PRDM5: variants seen among roughly 807,000 people sequenced by gnomAD.
PRDM5 encodes the protein PR domain zinc finger protein 5.
Under a neutral mutation model 81.2 loss-of-function variants are expected in PRDM5, and 56 were observed. The observed-to-expected ratio is 0.69, with a 90% CI of 0.56 to 0.86. PRDM5 has a LOEUF of 0.86. Among genes scored for constraint, PRDM5 ranks in the 40% least tolerant of loss-of-function variants. PRDM5 has a pLI of 0.00. For missense variants in PRDM5, 697 were observed against 770.1 expected (o/e 0.91, Z 1.12); for synonymous variants, 267 against 256.4 (o/e 1.04, Z -0.39).
At chr4:120,792,912 G>A (rs1017003979) in intron 10 of PRDM5, among the ~76,000 whole-genome samples, 2 of 152,094 alleles carry the variant, frequency 1.3e-5, no homozygotes, top group Non-Finnish European at 2.9e-5. Context: ...AGGGGTAGAG[G>A]TAAAGGGGCA....
chr4:120,788,745 A>T (rs1185515635), intron 10 of PRDM5, among the ~76,000 whole-genome samples: 1 of 152,226 alleles, frequency 6.6e-6, no homozygotes, highest in Non-Finnish European at 1.5e-5. Flanking sequence ...ATATTGGCCT[A>T]AAGCCAATGA....
chr4:120,906,359 T>G (rs904166893), intron 2 of PRDM5, among the ~76,000 whole-genome samples: 2 of 152,196 alleles, frequency 1.3e-5, no homozygotes, highest in Non-Finnish European at 1.5e-5. Flanking sequence ...AGGTTTACCG[T>G]CCAGGAGCAA....
chr4:120,753,130 C>T (rs1561094067), intron 14 of PRDM5, among the ~76,000 whole-genome samples: 1 of 152,114 alleles, frequency 6.6e-6, no homozygotes, highest in African/African-American at 2.4e-5. Flanking sequence ...TCACTAGTTT[C>T]TATTAAGAGG....
In PRDM5 at chr4:120,903,713, A is replaced by T. The variant is rs11098590; in HGVS notation, c.177+3761T>A. Reference sequence around the variant, plus strand: ...CTGGAGATAATTAAATCATTGGGGCAGTTTACCCAATACTGTTCTCGTGGT... The same window carrying T: ...CTGGAGATAATTAAATCATTGGGGCTGTTTACCCAATACTGTTCTCGTGGT... On this transcript the variant is annotated intron_variant, in intron 2 of 15. Transcript: ENST00000264808. 5.2e-3 allele frequency among the ~76,000 whole-genome samples: 789 copies of T among 152,242 alleles called. 5 individuals are homozygous for T. Among genetic ancestry groups the T allele is most frequent in the Middle Eastern group, 0.017 (5 of 294 alleles).
intron 13 of PRDM5, among the ~76,000 whole-genome samples, chr4:120,769,696 A>C (rs1322197392): frequency 2.6e-5 from 4 of 152,168 alleles, no homozygotes; most frequent in Admixed American, 2.6e-4. Context: ...GAGAACAGCA[A>C]ATTTTGTGGG....
intron 2 of PRDM5, among the ~76,000 whole-genome samples, chr4:120,901,377 T>G (rs1410638996): frequency 6.6e-6 from 1 of 152,242 alleles, no homozygotes; most frequent in Non-Finnish European, 1.5e-5. Flanking sequence ...TTGTAATGAC[T>G]AATTACCCTG....
chr4:120,857,031 T>C (rs538042242), intron 2 of PRDM5, among the ~76,000 whole-genome samples: 6 of 152,290 alleles, frequency 3.9e-5, no homozygotes, highest in African/African-American at 1.4e-4. Context: ...TTGCACAGGC[T>C]TCCTACAGTA....
At chr4:120,889,344 A>G (rs1195535356) in intron 2 of PRDM5, among the ~76,000 whole-genome samples, 1 of 152,140 alleles carries the variant, frequency 6.6e-6, no homozygotes, top group East Asian at 1.9e-4. Context: ...CTATATCATT[A>G]ATGTTATTTT....
intron 7 of PRDM5, 21 bp downstream of exon 7, chr4:120,816,432 G>A (rs571459776): frequency 5.6e-6 from 9 of 1,614,108 alleles, no homozygotes; most frequent in Middle Eastern, 1.6e-4. Flanking sequence ...CTTCGGAAAC[G>A]ACCCTCCAAC....
intron 3 of PRDM5, among the ~76,000 whole-genome samples, chr4:120,836,000 A>G (rs1757312115): frequency 6.6e-6 from 1 of 152,132 alleles, no homozygotes; most frequent in Non-Finnish European, 1.5e-5. Flanking sequence ...GAGAGAGAAC[A>G]AACAGAAGGC....
At chr4:120,803,309 C>T (rs1752408086) in intron 8 of PRDM5, among the ~76,000 whole-genome samples, 1 of 152,036 alleles carries the variant, frequency 6.6e-6, no homozygotes, top group African/African-American at 2.4e-5. Flanking sequence ...GAGAACTTAC[C>T]CAACCTAGCA....
At position 120,922,648 on chromosome 4, in the gene PRDM5, C is replaced by T. The variant is rs1266650824; in HGVS notation, c.-40G>A. On this transcript the variant is annotated 5_prime_UTR_variant, in exon 1 of 16. Transcript: ENST00000264808. ...CGGCCGCCGCCTCTCTCAACACCGG[C>T]GCTTAGCGCCCGGCAGGCGGCACAT... 6.4e-7 allele frequency: 1 copy of T among 1,572,852 alleles called. No individual in the cohort carries two copies.
At chr4:120,878,467 G>A (rs1395488169) in intron 2 of PRDM5, among the ~76,000 whole-genome samples, 1 of 152,066 alleles carries the variant, frequency 6.6e-6, no homozygotes, top group Non-Finnish European at 1.5e-5. Context: ...AAAATTCCTG[G>A]AAAATGACAT....
chr4:120,780,318 T>G (rs1578704961), intron 12 of PRDM5, among the ~76,000 whole-genome samples: 1 of 151,958 alleles, frequency 6.6e-6, no homozygotes, highest in Non-Finnish European at 1.5e-5. Context: ...TGGTGAGACA[T>G]GACTAGTCTC....
chr4:120,750,378 G>A (rs1474097868), intron 14 of PRDM5, among the ~76,000 whole-genome samples: 8 of 152,140 alleles, frequency 5.3e-5, no homozygotes, highest in Admixed American at 2.0e-4. Flanking sequence ...TGCCAGTGGC[G>A]GGACAAAGGC....
At chr4:120,885,152 A>AG (rs1189799789) in intron 2 of PRDM5, among the ~76,000 whole-genome samples, 24 of 137,704 alleles carry the variant, frequency 1.7e-4, no homozygotes, top group African/African-American at 6.8e-4. Flanking sequence ...AAAAAAAAAA[A>AG]AAAAGTAAAA....
At chr4:120,778,570 T>C (rs189235650) in intron 12 of PRDM5, among the ~76,000 whole-genome samples, 13 of 152,314 alleles carry the variant, frequency 8.5e-5, no homozygotes, top group African/African-American at 2.9e-4. Flanking sequence ...TATTTGGATA[T>C]GTACTATCAT....
At chr4:120,739,698 A>G (rs527562651) in intron 14 of PRDM5, among the ~76,000 whole-genome samples, 2 of 151,874 alleles carry the variant, frequency 1.3e-5, no homozygotes, top group South Asian at 4.2e-4. Flanking sequence ...TTTACTCTCA[A>G]AGCCTATCAA....
chr4:120,710,322 G>C lies in PRDM5; in HGVS notation c.1715C>G (p.Pro572Arg). The C allele has an allele frequency of 6.2e-7, 1 of 1,613,756 alleles. No individual in the cohort carries two copies. Among genetic ancestry groups the C allele is most frequent in the South Asian group, 1.1e-5 (1 of 91,068 alleles). Residue 572 changes from proline to arginine, a missense_variant, in exon 15 of 16, where the codon CCT (proline) becomes CGT (arginine). Pro to Arg is a moderately radical substitution (Grantham distance 103). Transcript: ENST00000264808. Reference protein sequence around the residue: ...EHKRTHTGEKPFQCDVCDLAF... With the variant: ...EHKRTHTGEKRFQCDVCDLAF... The stretch of plus-strand genomic sequence containing the variant: ...ATCCAAACTCACATCACACTGAAAA[G>C]GCTTTTCTCCAGTGTGCGTCCTCTT...
Sources: allele counts gnomAD v4.1 joint callset (sites outside exome capture counted in the v4.1 genomes callset), GRCh38; gene constraint gnomAD v4.1.1; transcripts MANE v1.5; gene names NCBI Gene and HGNC (gene_info 2026-07-23, HGNC 2026-07-21).